The following SPINK5 variants were observed in gnomAD, a reference collection of about 807,000 sequenced individuals.
SPINK5 encodes the protein serine protease inhibitor Kazal-type 5.
Under a neutral mutation model 151.8 loss-of-function variants are expected in SPINK5, and 125 were observed. The ratio of observed to expected loss-of-function variants is 0.82; its 90% CI spans 0.71 to 0.96. The LOEUF is 0.96. Ranked by LOEUF, SPINK5 falls within the 40% of genes least tolerant of loss-of-function variation. The pLI is 0.00. For missense variants in SPINK5, 1,194 were observed against 1,291.9 expected, an observed-to-expected ratio of 0.92 and a Z score of 1.16; for synonymous variants, 374 against 395.3, an observed-to-expected ratio of 0.95 and a Z score of 0.64.
intron 11 of SPINK5, 128 bp downstream of exon 11, chr5:148,098,122 A>G (rs1217092287): frequency 1.3e-5 from 12 of 896,238 alleles, no homozygotes; most frequent in Non-Finnish European, 1.8e-5. Flanking sequence ...CATTACATGG[A>G]AAATATCAGT....
At chr5:148,122,244 A>T (rs533696647) in intron 26 of SPINK5, among the ~76,000 whole-genome samples, 1 of 152,294 alleles carries the variant, frequency 6.6e-6, no homozygotes, top group Non-Finnish European at 1.5e-5. Flanking sequence ...GCTATTATAA[A>T]AATATGTGGT....
intron 27 of SPINK5, among the ~76,000 whole-genome samples, 191 bp downstream of exon 27, chr5:148,124,151 T>C (rs1192931117): frequency 1.3e-5 from 2 of 152,182 alleles, no homozygotes; most frequent in Non-Finnish European, 2.9e-5. Context: ...AGCATAATCA[T>C]ACCCAGAACC....
intron 29 of SPINK5, among the ~76,000 whole-genome samples, chr5:148,126,567 TCTG>T (rs1385723278): frequency 1.4e-5 from 2 of 147,124 alleles, no homozygotes; most frequent in Non-Finnish European, 3.0e-5. Context: ...GTTCTGTGAT[TCTG>T]TTTTATTTAT....
At chr5:148,095,563 T>G (rs1010445091) in intron 9 of SPINK5, among the ~76,000 whole-genome samples, 1 of 152,052 alleles carries the variant, frequency 6.6e-6, no homozygotes, top group South Asian at 2.1e-4. Flanking sequence ...CTGGAATGTC[T>G]TCTTCAAAAA....
chr5:148,065,297 A>G, intron 1 of SPINK5, 50 bp from the exon 2 acceptor site: 1 of 1,588,112 alleles, frequency 6.3e-7, no homozygotes, highest in Non-Finnish European at 8.6e-7. Context: ...TGTTTTGTTT[A>G]TTAAATATTT....
intron 4 of SPINK5, among the ~76,000 whole-genome samples, chr5:148,073,322 C>G (rs1163256031): frequency 6.6e-6 from 1 of 151,940 alleles, no homozygotes; most frequent in African/African-American, 2.4e-5. Flanking sequence ...AGAACCTCAG[C>G]CTCCACAGTA....
chr5:148,111,505 T>C (rs1427841195), intron 18 of SPINK5, among the ~76,000 whole-genome samples: 2 of 152,210 alleles, frequency 1.3e-5, no homozygotes, highest in African/African-American at 2.4e-5. Context: ...TAAGAGGCCA[T>C]ACATTTTTCT....
At chr5:148,092,432 G>A (rs932902730) in intron 8 of SPINK5, among the ~76,000 whole-genome samples, 2 of 151,916 alleles carry the variant, frequency 1.3e-5, no homozygotes, top group African/African-American at 4.8e-5. Context: ...TCCTGTGATA[G>A]TTAACATTTT....
At chr5:148,101,230 G>T in intron 13 of SPINK5, 125 bp from the exon 14 acceptor site, 1 of 737,342 alleles carries the variant, frequency 1.4e-6, no homozygotes, top group Non-Finnish European at 2.4e-6. Flanking sequence ...TAAGCACAGG[G>T]TTAGGCACAT....
intron 10 of SPINK5, 65 bp downstream of exon 10, chr5:148,095,970 G>C (rs943637923): frequency 4.8e-6 from 6 of 1,259,806 alleles, no homozygotes; most frequent in East Asian, 2.3e-5. Context: ...GTGTGTGAGA[G>C]AGTGCATATT....
chr5:148,137,074 A>G lies in SPINK5; in HGVS notation c.*83A>G, dbSNP rs1581118527. The G allele has an allele frequency of 2.6e-6, 4 of 1,552,332 alleles. No homozygotes were observed. Among genetic ancestry groups the G allele is most frequent in the East Asian group, 4.5e-5 (2 of 44,482 alleles). ...CCTTCACCATCTGTATATACAAAGA[A>G]TTCTTCGGAGCTTGTCTTATTTGCT... On this transcript the variant is annotated 3_prime_UTR_variant, in exon 33 of 33. Coordinates refer to ENST00000256084, the MANE Select transcript of SPINK5 (RefSeq NM_006846.4).
intron 16 of SPINK5, among the ~76,000 whole-genome samples, chr5:148,105,216 A>G (rs1362469795): frequency 6.6e-6 from 1 of 152,240 alleles, no homozygotes; most frequent in African/African-American, 2.4e-5. Flanking sequence ...TATTTCATAA[A>G]AAGTGGAATG....
intron 2 of SPINK5, among the ~76,000 whole-genome samples, chr5:148,066,985 C>T (rs1204024160): frequency 6.6e-6 from 1 of 152,214 alleles, no homozygotes; most frequent in Admixed American, 6.5e-5. Flanking sequence ...GTCTTTTTTA[C>T]GATGCTGTGA....
chr5:148,095,807 A>C lies in SPINK5; in HGVS notation c.795-11A>C. 6.2e-7 allele frequency: 1 copy of C among 1,605,366 alleles called. No homozygotes were observed. The highest frequency in any genetic ancestry group is 8.5e-7 in the Non-Finnish European group (1 of 1,172,802). On this transcript the variant is annotated splice_polypyrimidine_tract_variant and intron_variant, in intron 9 of 32. Coordinates refer to ENST00000256084, the MANE Select transcript of SPINK5 (RefSeq NM_006846.4). ...GGAAGCATCTCTACTCATTTATTTT[A>C]CTTTTTCCAGCAAGCAGCGTTTTTC...
chr5:148,125,062 TG>T lies in SPINK5; in HGVS notation c.2739+226del, dbSNP rs1754396357. On this transcript the variant is annotated intron_variant, in intron 28 of 32. Transcript: ENST00000256084. ...TTCTCTGAGAGTGTGTGTCTATTATTGTTTTAGTCTTTCCTCCTTGGGAGAA... is the reference window on the plus strand; with the variant it reads ...TTCTCTGAGAGTGTGTGTCTATTATTTTTTAGTCTTTCCTCCTTGGGAGAA... The T allele has an allele frequency of 3.4e-5, 19 of 552,932 alleles. No individual in the cohort carries two copies. The South Asian group carries it at 6.6e-4, about 19-fold the overall frequency. The allele number at this position is 552,932 out of a possible 1,614,324, so 34.3% of individuals were successfully genotyped here.
chr5:148,094,606 C>T, intron 9 of SPINK5, 125 bp downstream of exon 9: 1 of 1,491,438 alleles, frequency 6.7e-7, no homozygotes. Context: ...CAGTTTTATG[C>T]CCTCCACAAA....
chr5:148,127,193 A>G (rs1224382043), intron 30 of SPINK5, 114 bp downstream of exon 30: 2 of 860,682 alleles, frequency 2.3e-6, no homozygotes, highest in Admixed American at 2.2e-5. Context: ...GATTCAGTGC[A>G]GCCTGAAGTC....
chr5:148,108,989 T>G, intron 18 of SPINK5, 152 bp downstream of exon 18: 4 of 1,351,402 alleles, frequency 3.0e-6, no homozygotes, highest in Non-Finnish European at 4.1e-6. Context: ...AGTACTCCCC[T>G]TTCCTTATTC....
chr5:148,124,868 T>C lies in SPINK5; in HGVS notation c.2739+31T>C, dbSNP rs551765336. The C allele has an allele frequency of 1.8e-5, 28 of 1,554,692 alleles. No individual in the cohort carries two copies. The South Asian group carries it at 3.4e-4, about 19-fold the overall frequency. On this transcript the variant is annotated intron_variant, in intron 28 of 32. Transcript: ENST00000256084. ...TTATTAAAGGATACCAAAATAACCA[T>C]TTTACTTTTCACCTTCAGAATTTTG...
Sources: allele counts gnomAD v4.1 joint callset (sites outside exome capture counted in the v4.1 genomes callset), GRCh38; gene constraint gnomAD v4.1.1; transcripts MANE v1.5; gene names NCBI Gene and HGNC (gene_info 2026-07-23, HGNC 2026-07-21).